The following TSC2 variants were observed in gnomAD, a reference collection of about 807,000 sequenced individuals.
TSC2 encodes TSC complex subunit 2, also known as tuberin.
Under a neutral mutation model 202.2 loss-of-function variants are expected in TSC2, and 29 were observed. The observed-to-expected ratio is 0.14, with a 90% CI of 0.11 to 0.20. TSC2 has a LOEUF of 0.20. Ranked by LOEUF, TSC2 falls within the 10% of genes least tolerant of loss-of-function variation. The probability of loss-of-function intolerance (pLI) is 1.00; values close to 1 mark genes in which losing one functional copy is unlikely to be tolerated. For synonymous variants in TSC2, 1,349 were observed against 1,044.0 expected (o/e 1.29, Z -5.63); for missense variants, 2,429 against 2,420.0 (o/e 1.00, Z -0.08).
At chr16:2,063,754 C>T (rs1205199264) in intron 14 of TSC2, 2 of 236,286 alleles carry the variant, frequency 8.5e-6, no homozygotes, top group Non-Finnish European at 1.7e-5. Context: ...TCTGGGTCCT[C>T]TGGCTTCTCC....
intron 30 of TSC2, 177 bp from the exon 31 acceptor site, chr16:2,081,418 G>A: frequency 1.3e-6 from 1 of 799,066 alleles, no homozygotes; most frequent in African/African-American, 1.7e-5. Context: ...CAGGGGCTGA[G>A]CGGGGCAGCA....
chr16:2,050,552 T>G, intron 3 of TSC2, 66 bp downstream of exon 3: 1 of 1,427,838 alleles, frequency 7.0e-7, no homozygotes, highest in South Asian at 1.2e-5. Context: ...AGTTTGCTTT[T>G]TTTAGGAACA....
At chr16:2,054,469 T>C (rs1224204913) in intron 5 of TSC2, 29 bp downstream of exon 5, 25 of 1,613,742 alleles carry the variant, frequency 1.5e-5, no homozygotes, top group Non-Finnish European at 2.1e-5. Flanking sequence ...TGGAGGTTTC[T>C]CTGGCCTTGA....
At chr16:2,087,828 G>T in intron 38 of TSC2, 35 bp from the exon 39 acceptor site, 2 of 1,610,246 alleles carry the variant, frequency 1.2e-6, no homozygotes, top group East Asian at 2.2e-5. Context: ...AGCACACGCT[G>T]TGTGCGGGGA....
Position 2,086,382 on chromosome 16 carries a change from A to G in TSC2, c.4849+3A>G, listed in dbSNP as rs1057521378. ...CTGGCACGATGACATCATGCAAGGT[A>G]CGGCCTGGCGCCTACCCGCTCCTGC... On this transcript the variant is annotated splice_donor_region_variant and intron_variant, in intron 37 of 41. Coordinates refer to ENST00000219476, the MANE Select transcript of TSC2 (RefSeq NM_000548.5). 6.2e-7 allele frequency: 1 copy of G among 1,612,108 alleles called. No individual in the cohort carries two copies. The highest frequency in any genetic ancestry group is 8.5e-7 in the Non-Finnish European group (1 of 1,179,608).
intron 11 of TSC2, chr16:2,061,443 A>T (rs759598297): frequency 1.5e-4 from 51 of 338,270 alleles, no homozygotes; most frequent in Non-Finnish European, 2.7e-4. Flanking sequence ...CAGAGGTCAT[A>T]GCCTGGGGCT....
rs766163289 is a variant in TSC2, at chr16:2,079,691, C to T, written c.3397+22C>T. Reference sequence around the variant, plus strand: ...TCGGGTGAGCCTTGGCCCCAGCCACCTCCACACAGGCACCGGGGCTCCCTC... The same window carrying T: ...TCGGGTGAGCCTTGGCCCCAGCCACTTCCACACAGGCACCGGGGCTCCCTC... On this transcript the variant is annotated intron_variant, in intron 29 of 41. Coordinates refer to ENST00000219476, the MANE Select transcript of TSC2 (RefSeq NM_000548.5). The surrounding 1 kb of genome is among the most constrained non-coding windows in gnomAD (Gnocchi z 4.6). 2 of 1,560,974 alleles carry T rather than the reference C, an allele frequency of 1.3e-6. No homozygotes were observed. The highest frequency in any genetic ancestry group is 2.7e-5 in the African/African-American group (2 of 73,714).
At chr16:2,053,223 C>A in intron 3 of TSC2, 119 bp from the exon 4 acceptor site, 1 of 978,566 alleles carries the variant, frequency 1.0e-6, no homozygotes, top group Non-Finnish European at 1.6e-6. Context: ...GGAGGTGGGG[C>A]TCTCAGTCAC....
intron 4 of TSC2, chr16:2,054,011 A>G (rs1317265269): frequency 9.7e-6 from 5 of 515,148 alleles, no homozygotes; most frequent in African/African-American, 1.9e-5. Flanking sequence ...CACCGAGTGC[A>G]GGGGTCGGGC....
In TSC2 at chr16:2,074,220, G is replaced by A. The variant is rs1596356233; in HGVS notation, c.2376G>A (p.Leu792=). 5 of 1,611,922 alleles carry A rather than the reference G, an allele frequency of 3.1e-6. No individual in the cohort carries two copies. Among genetic ancestry groups the A allele is most frequent in the Non-Finnish European group, 4.2e-6 (5 of 1,179,978 alleles). The part of the protein sequence containing the change: ...KTKQREMVYC[L]EQGLIHRCAS... ...TGCAGCGCGAGATGGTCTACTGCCT[G>A]GAGCAGGGCCTCATCCACCGCTGTG... Residue 792 remains leucine (L), a synonymous_variant, in exon 22 of 42, where the codon CTG becomes CTA. Coordinates refer to ENST00000219476, the MANE Select transcript of TSC2 (RefSeq NM_000548.5).
intron 36 of TSC2, 56 bp from the exon 37 acceptor site, chr16:2,086,137 C>T (rs1008205093): frequency 1.6e-5 from 25 of 1,602,322 alleles, no homozygotes; most frequent in Middle Eastern, 1.7e-4. Context: ...CCACCCTCTG[C>T]GGGGCAGGGC....
intron 31 of TSC2, chr16:2,082,161 A>T: frequency 1.7e-6 from 1 of 593,706 alleles, no homozygotes; most frequent in Non-Finnish European, 3.0e-6. Flanking sequence ...CCCCCACCCC[A>T]CTCGGCACCG....
Position 2,075,881 on chromosome 16 carries a change from C to T in TSC2, c.2628C>T (p.Thr876=), listed in dbSNP as rs778678783. 1.1e-5 allele frequency: 18 copies of T among 1,613,050 alleles called. No individual in the cohort carries two copies. Among genetic ancestry groups the T allele is most frequent in the African/African-American group, 4.0e-5 (3 of 74,938 alleles). ...TGTTCGCCATCTCCCTGCCGTACAC[C>T]AACCCCTCCAAGTGAGTGGTCGCCC... ...ASVFAISLPY[T]NPSKFNQYIV... Residue 876 remains threonine, a synonymous_variant, in exon 23 of 42, where the codon ACC becomes ACT. Transcript: ENST00000219476.
intron 16 of TSC2, among the ~76,000 whole-genome samples, chr16:2,069,484 A>ATTTTT (rs746122123): frequency 4.0e-5 from 5 of 125,506 alleles, no homozygotes; most frequent in Non-Finnish European, 6.9e-5. Context: ...CACCTGGCTA[A>ATTTTT]TTTTTTTTTT....
intron 22 of TSC2, 152 bp downstream of exon 22, chr16:2,074,541 C>A: frequency 1.1e-6 from 1 of 929,356 alleles, no homozygotes; most frequent in Non-Finnish European, 1.7e-6. Flanking sequence ...GCCCGGCTGC[C>A]ATGAGTGCTC....
intron 17 of TSC2, 45 bp from the exon 18 acceptor site, chr16:2,071,465 C>T (rs1162746116): frequency 6.2e-7 from 1 of 1,607,850 alleles, no homozygotes. Flanking sequence ...CTGTCCTGGG[C>T]CTGCACGAGC....
At chr16:2,062,629 C>T (rs2086785418) in intron 13 of TSC2, 29 bp downstream of exon 13, 1 of 1,576,794 alleles carries the variant, frequency 6.3e-7, no homozygotes, top group Non-Finnish European at 8.6e-7. Context: ...CCTTGCCTGG[C>T]ACCTGGAGCC....
intron 17 of TSC2, among the ~76,000 whole-genome samples, chr16:2,071,000 A>AGAACAGGGC (rs1567459989): frequency 6.6e-6 from 1 of 151,612 alleles, no homozygotes; most frequent in Non-Finnish European, 1.5e-5. Context: ...CAGGGCAGGG[A>AGAACAGGGC]TGGGCAGAAC....
chr16:2,049,078 T>C (rs2084751028), intron 2 of TSC2, among the ~76,000 whole-genome samples: 1 of 151,314 alleles, frequency 6.6e-6, no homozygotes, highest in Non-Finnish European at 1.5e-5. Flanking sequence ...CTGGGAGAAG[T>C]AGGTTCTTTA....
Sources: gnomAD v4.1 joint callset for allele counts (sites outside exome capture counted in the v4.1 genomes callset) on GRCh38, gnomAD v4.1.1 for gene constraint, Gnocchi (gnomAD v3.1) non-coding constraint, MANE v1.5 for transcripts, NCBI Gene and HGNC (gene_info 2026-07-23, HGNC 2026-07-21) for gene names.